Variants in ADAMTS16 observed in about 807,000 individuals in gnomAD.
ADAMTS16 encodes the protein ADAM metallopeptidase with thrombospondin type 1 motif 16, also known as A disintegrin and metalloproteinase with thrombospondin motifs 16.
Under a neutral mutation model 145.8 loss-of-function variants are expected in ADAMTS16, and 94 were observed. The ratio of observed to expected loss-of-function variants is 0.64; its 90% CI spans 0.55 to 0.77. The LOEUF is 0.77. Among genes scored for constraint, ADAMTS16 ranks in the 30% least tolerant of loss-of-function variants. The pLI is 0.00. For missense variants in ADAMTS16, 1,585 were observed against 1,591.5 expected (o/e 1.00, Z 0.07); for synonymous variants, 659 against 604.3 (o/e 1.09, Z -1.33).
Position 5,310,933 on chromosome 5 carries a change from T to G in ADAMTS16, c.3411+4205T>G, listed in dbSNP as rs1007644344. Among the ~76,000 whole-genome samples the G allele has an allele frequency of 1.3e-5, 2 of 152,138 alleles. 1 individual carries two copies. The highest frequency in any genetic ancestry group is 6.3e-3 in the Middle Eastern group (2 of 316). ...GGCAAGTGCCTTCTTTCACTTTATA[T>G]GCTGCAGAGCCCTAGCCCAGAGCCA... On this transcript the variant is annotated intron_variant, in intron 21 of 22. Transcript: ENST00000274181. This position sits in a 1 kb window ranked among gnomAD's most constrained non-coding sequence, Gnocchi z 4.3.
chr5:5,165,040 C>G (rs1734834224), intron 3 of ADAMTS16, among the ~76,000 whole-genome samples: 1 of 152,110 alleles, frequency 6.6e-6, no homozygotes, highest in African/African-American at 2.4e-5. Context: ...TGGAGTTGTG[C>G]AACCTTCTTC....
intron 18 of ADAMTS16, among the ~76,000 whole-genome samples, chr5:5,293,811 T>G (rs950748438): frequency 6.6e-6 from 1 of 152,200 alleles, no homozygotes; most frequent in Admixed American, 6.5e-5. Flanking sequence ...AATGAACCGT[T>G]AGGTCTGGAC....
At chr5:5,146,589 T>C in intron 3 of ADAMTS16, 134 bp downstream of exon 3, 1 of 1,031,196 alleles carries the variant, frequency 9.7e-7, no homozygotes, top group Non-Finnish European at 1.4e-6. Context: ...GGAGGAATAT[T>C]GCCAAGTAAA....
At chr5:5,160,951 A>C (rs956048877) in intron 3 of ADAMTS16, among the ~76,000 whole-genome samples, 1 of 152,212 alleles carries the variant, frequency 6.6e-6, no homozygotes, top group Non-Finnish European at 1.5e-5. Flanking sequence ...AGTGTTAACT[A>C]TCTTAGAATA....
intron 3 of ADAMTS16, among the ~76,000 whole-genome samples, chr5:5,173,204 G>T: frequency 6.7e-6 from 1 of 148,320 alleles, no homozygotes; most frequent in Non-Finnish European, 1.5e-5. Flanking sequence ...AATCCATTCA[G>T]CCACTCTATG....
chr5:5,300,052 G>A (rs4478285), intron 18 of ADAMTS16, among the ~76,000 whole-genome samples: 112,399 of 152,132 alleles, frequency 0.74, 41,943 homozygotes, highest in South Asian at 0.82. Context: ...TTTGAATGGA[G>A]TGCAGCTAAG....
intron 13 of ADAMTS16, 97 bp from the exon 14 acceptor site, chr5:5,236,872 T>A: frequency 7.0e-7 from 1 of 1,437,048 alleles, no homozygotes. Flanking sequence ...AGTTATTTTA[T>A]GGGGGAAGAA....
chr5:5,176,420 A>G (rs1297830232), intron 3 of ADAMTS16, among the ~76,000 whole-genome samples: 1 of 152,204 alleles, frequency 6.6e-6, no homozygotes, highest in Non-Finnish European at 1.5e-5. Context: ...CAAAAATTAT[A>G]TCACTATGAA....
chr5:5,311,894 T>C (rs1489071225), intron 21 of ADAMTS16, among the ~76,000 whole-genome samples: 2 of 151,998 alleles, frequency 1.3e-5, no homozygotes, highest in East Asian at 3.9e-4. Flanking sequence ...TTGTTTGTAT[T>C]TTTTAGTACA....
intron 9 of ADAMTS16, among the ~76,000 whole-genome samples, chr5:5,205,121 A>G (rs751960292): frequency 6.6e-6 from 1 of 151,856 alleles, no homozygotes; most frequent in Non-Finnish European, 1.5e-5. Flanking sequence ...TGGTGAGAGT[A>G]TTGTATACAT....
chr5:5,275,478 CT>C (rs1186500797), intron 18 of ADAMTS16, among the ~76,000 whole-genome samples: 1 of 151,840 alleles, frequency 6.6e-6, no homozygotes, highest in Non-Finnish European at 1.5e-5. Context: ...CTGTTATGTT[CT>C]TATGTTTGTC....
At chr5:5,167,835 G>A (rs1467931199) in intron 3 of ADAMTS16, among the ~76,000 whole-genome samples, 1 of 152,188 alleles carries the variant, frequency 6.6e-6, no homozygotes, top group Non-Finnish European at 1.5e-5. Flanking sequence ...GGAGTTGAAG[G>A]CCTAAACGTT....
In ADAMTS16 at chr5:5,142,222, T is replaced by C. The variant is rs1179320181; in HGVS notation, c.175+1456T>C. ...AGAAGAAAAGCCAGGGCTTCGTGCC[T>C]AAGTGTGCTTTTCTCCTAAAGTGAT... On this transcript the variant is annotated intron_variant, in intron 2 of 22. Coordinates refer to ENST00000274181, the MANE Select transcript of ADAMTS16 (RefSeq NM_139056.4). 3.3e-5 allele frequency: 5 copies of C among 152,224 alleles called. 1 individual carries two copies. Among genetic ancestry groups the C allele is most frequent in the Admixed American group, 3.3e-4 (5 of 15,286 alleles). 9.4% of individuals were successfully genotyped at this position (152,224 alleles called of 1,614,324 possible). A position where few individuals can be genotyped will look rare whatever the true frequency, so the allele number is the denominator to read the frequency against.
At chr5:5,312,750 A>G (rs992754400) in intron 21 of ADAMTS16, among the ~76,000 whole-genome samples, 15 of 152,014 alleles carry the variant, frequency 9.9e-5, no homozygotes, top group Non-Finnish European at 4.4e-5. Flanking sequence ...GAGCCGCTGC[A>G]CCCAGCCCCC....
intron 8 of ADAMTS16, among the ~76,000 whole-genome samples, chr5:5,197,806 A>G (rs572146939): frequency 1.7e-4 from 26 of 152,328 alleles, no homozygotes; most frequent in African/African-American, 6.0e-4. Context: ...AAATGTGGGC[A>G]TTGTACTGAT....
chr5:5,203,958 G>C (rs1389387781), intron 9 of ADAMTS16, among the ~76,000 whole-genome samples: 1 of 152,092 alleles, frequency 6.6e-6, no homozygotes, highest in Non-Finnish European at 1.5e-5. Flanking sequence ...TGTGCATAAT[G>C]GAAATAATAC....
chr5:5,202,160 C>T (rs921150343), intron 9 of ADAMTS16, among the ~76,000 whole-genome samples: 1 of 152,064 alleles, frequency 6.6e-6, no homozygotes, highest in African/African-American at 2.4e-5. Flanking sequence ...CCCATCTTCC[C>T]AGCCAGGATT....
intron 21 of ADAMTS16, 60 bp downstream of exon 21, chr5:5,306,788 G>A (rs191183839): frequency 1.5e-4 from 222 of 1,449,534 alleles, no homozygotes; most frequent in Non-Finnish European, 2.0e-4. Context: ...GGGGTTGGCC[G>A]CTGGCTCCCG....
chr5:5,311,670 C>G (rs1740449725), intron 21 of ADAMTS16, among the ~76,000 whole-genome samples: 1 of 151,894 alleles, frequency 6.6e-6, no homozygotes. Flanking sequence ...TCTCAGCCCC[C>G]CGAGTAGCTG....
Sources: gnomAD v4.1 joint callset for allele counts (sites outside exome capture counted in the v4.1 genomes callset) on GRCh38, gnomAD v4.1.1 for gene constraint, Gnocchi (gnomAD v3.1) non-coding constraint, MANE v1.5 for transcripts, NCBI Gene and HGNC (gene_info 2026-07-23, HGNC 2026-07-21) for gene names.